Variants in KLHL22 observed in about 807,000 individuals in gnomAD.
The protein encoded by KLHL22 is kelch-like protein 22.
A neutral mutation model predicts 60.7 loss-of-function variants in KLHL22; 18 were observed. The ratio of observed to expected loss-of-function variants is 0.30; its 90% CI spans 0.20 to 0.44. The LOEUF is 0.44. Ranked by LOEUF, KLHL22 falls within the 20% of genes least tolerant of loss-of-function variation. KLHL22 has a pLI of 1.00. For missense variants in KLHL22, 596 were observed against 852.3 expected (o/e 0.70, Z 3.74); for synonymous variants, 355 against 354.5 (o/e 1.00, Z -0.01).
At chr22:20,468,702 G>A (rs1395231152) in intron 3 of KLHL22, among the ~76,000 whole-genome samples, 1 of 152,052 alleles carries the variant, frequency 6.6e-6, no homozygotes, top group Admixed American at 6.6e-5. Context: ...TTTGAGATAA[G>A]CTGGCATGTA....
chr22:20,471,619 G>A (rs905927214), intron 2 of KLHL22, 104 bp from the exon 3 acceptor site: 10 of 1,271,072 alleles, frequency 7.9e-6, no homozygotes, highest in Non-Finnish European at 7.8e-6. Flanking sequence ...CTGGTGGCAG[G>A]GCCCTGGTAG....
At chr22:20,480,193 G>A (rs1363142659) in intron 2 of KLHL22, among the ~76,000 whole-genome samples, 1 of 152,166 alleles carries the variant, frequency 6.6e-6, no homozygotes, top group African/African-American at 2.4e-5. Flanking sequence ...CCAGGGCCTG[G>A]GGGTAAAGGA....
intron 6 of KLHL22, among the ~76,000 whole-genome samples, chr22:20,445,531 G>A (rs145470849): frequency 2.1e-3 from 312 of 152,138 alleles, no homozygotes; most frequent in African/African-American, 7.3e-3. Context: ...TTAAAGTTCC[G>A]GCAATGTGGT....
At chr22:20,493,414 T>A (rs539215365) in intron 1 of KLHL22, among the ~76,000 whole-genome samples, 23 of 152,294 alleles carry the variant, frequency 1.5e-4, no homozygotes, top group Non-Finnish European at 2.6e-4. Flanking sequence ...CGGTTTTAAA[T>A]CACCAAAACG....
chr22:20,451,375 G>C (rs191471086), intron 5 of KLHL22: 1 of 1,611,592 alleles, frequency 6.2e-7, no homozygotes, highest in African/African-American at 1.3e-5. Context: ...GGAAGGTGCC[G>C]GACTCGTAGT....
chr22:20,476,281 C>A (rs1030807109), intron 2 of KLHL22, among the ~76,000 whole-genome samples: 1 of 152,122 alleles, frequency 6.6e-6, no homozygotes, highest in Non-Finnish European at 1.5e-5. Flanking sequence ...GGACTGTGCT[C>A]GTGCATGTAC....
chr22:20,469,073 C>T (rs2053275358), intron 3 of KLHL22, among the ~76,000 whole-genome samples: 1 of 152,056 alleles, frequency 6.6e-6, no homozygotes, highest in African/African-American at 2.4e-5. Flanking sequence ...CAGAGAGAGA[C>T]TGCAGGCCTC....
chr22:20,454,484 TC>T (rs1399681915), intron 5 of KLHL22, among the ~76,000 whole-genome samples: 1 of 152,194 alleles, frequency 6.6e-6, no homozygotes, highest in Non-Finnish European at 1.5e-5. Flanking sequence ...AGAATATTGT[TC>T]CCTACTGTGC....
intron 1 of KLHL22, among the ~76,000 whole-genome samples, chr22:20,493,733 C>T (rs980050596): frequency 6.6e-6 from 1 of 151,974 alleles, no homozygotes; most frequent in African/African-American, 2.4e-5. Context: ...CAGTGCGAGA[C>T]TCCGTCTCAA....
intron 2 of KLHL22, among the ~76,000 whole-genome samples, chr22:20,484,417 C>T (rs1234666342): frequency 1.3e-5 from 2 of 152,140 alleles, no homozygotes; most frequent in Non-Finnish European, 1.5e-5. Flanking sequence ...GCCTCACCCT[C>T]CTGAGTAGCT....
chr22:20,487,415 T>G (rs1452229794), intron 2 of KLHL22, among the ~76,000 whole-genome samples: 2 of 151,384 alleles, frequency 1.3e-5, no homozygotes, highest in African/African-American at 4.9e-5. Flanking sequence ...AGAGACAGGG[T>G]TTCACCATGT....
chr22:20,457,456 G>A (rs191801834), intron 5 of KLHL22, among the ~76,000 whole-genome samples: 3 of 152,210 alleles, frequency 2.0e-5, no homozygotes, highest in Admixed American at 2.0e-4. Context: ...GTCCCAGCTC[G>A]TCTCAGCTGC....
At chr22:20,483,530 T>C (rs1601384271) in intron 2 of KLHL22, 2 of 725,676 alleles carry the variant, frequency 2.8e-6, no homozygotes, top group East Asian at 5.2e-5. Flanking sequence ...TGAGGGACAT[T>C]GGTGTCATCA....
chr22:20,470,738 G>A (rs1048306403), intron 3 of KLHL22, among the ~76,000 whole-genome samples: 1 of 151,188 alleles, frequency 6.6e-6, no homozygotes. Context: ...ATGGATGGAT[G>A]GATGGATGCC....
rs1478745222 is a variant in KLHL22 at position 20,495,267 on chromosome 22, CCT to C, written c.-34+491_-34+492del. Among the ~76,000 whole-genome samples the C allele has an allele frequency of 6.6e-6, 1 of 152,256 alleles. No homozygotes were observed. The highest frequency in any genetic ancestry group is 1.9e-4 in the East Asian group (1 of 5,192). On this transcript the variant is annotated intron_variant, in intron 1 of 6. Transcript: ENST00000328879. The surrounding 1 kb of genome is among the most constrained non-coding windows in gnomAD (Gnocchi z 4.6). ...TGCACTGACAGCGCGATCTCCGGCT[CCT>C]CTCAGGAAACCGGGAGAGCTGGCAA...
At chr22:20,485,671 C>T (rs1378231693) in intron 2 of KLHL22, among the ~76,000 whole-genome samples, 1 of 152,100 alleles carries the variant, frequency 6.6e-6, no homozygotes, top group Admixed American at 6.5e-5. Flanking sequence ...AGTTGGAGAC[C>T]AGCCTGGCCA....
intron 2 of KLHL22, among the ~76,000 whole-genome samples, chr22:20,476,860 C>T (rs1303572411): frequency 6.6e-6 from 1 of 151,474 alleles, no homozygotes; most frequent in Non-Finnish European, 1.5e-5. Context: ...AGGCATGTGC[C>T]ACCACGCCTG....
chr22:20,457,164 G>A (rs561721189), intron 5 of KLHL22, among the ~76,000 whole-genome samples: 1 of 151,982 alleles, frequency 6.6e-6, no homozygotes, highest in Non-Finnish European at 1.5e-5. Flanking sequence ...CCCCAAAGTC[G>A]TAAGATAAAA....
At chr22:20,447,936 C>T (rs1371655012) in intron 5 of KLHL22, among the ~76,000 whole-genome samples, 1 of 152,118 alleles carries the variant, frequency 6.6e-6, no homozygotes, top group Non-Finnish European at 1.5e-5. Flanking sequence ...GCCTTCTTTC[C>T]CCCATGGTAG....
Sources: gnomAD v4.1 joint callset for allele counts (sites outside exome capture counted in the v4.1 genomes callset) on GRCh38, gnomAD v4.1.1 for gene constraint, Gnocchi (gnomAD v3.1) non-coding constraint, MANE v1.5 for transcripts, NCBI Gene and HGNC (gene_info 2026-07-23, HGNC 2026-07-21) for gene names.